The following PDCD1LG2 variants were observed in gnomAD, a reference collection of about 807,000 sequenced individuals.
PDCD1LG2 encodes the protein B7 dendritic cell molecule.
Under a neutral mutation model 28.2 loss-of-function variants are expected in PDCD1LG2, and 32 were observed. That is an observed-to-expected ratio of 1.13 (90% CI 0.86 to 1.52). The LOEUF (loss-of-function observed/expected upper bound fraction) is 1.52, where lower values mean the gene tolerates loss of function less well. Among genes scored for constraint, PDCD1LG2 ranks in the 40% most tolerant of loss-of-function variants. PDCD1LG2 has a pLI of 0.00. For synonymous variants in PDCD1LG2, 116 were observed against 120.2 expected (o/e 0.97, Z 0.23); for missense variants, 385 against 323.8 (o/e 1.19, Z -1.45).
chr9:5,516,453 G>A (rs897180070), intron 1 of PDCD1LG2, among the ~76,000 whole-genome samples: 10 of 152,220 alleles, frequency 6.6e-5, no homozygotes, highest in African/African-American at 2.4e-4. Flanking sequence ...TCTTACCCCA[G>A]GCTGTGGACT....
chr9:5,564,012 G>A (rs1423614459), intron 6 of PDCD1LG2, among the ~76,000 whole-genome samples: 3 of 152,146 alleles, frequency 2.0e-5, no homozygotes, highest in Non-Finnish European at 4.4e-5. Flanking sequence ...CTAAGCAACT[G>A]AGCACCATAG....
intron 5 of PDCD1LG2, among the ~76,000 whole-genome samples, chr9:5,560,773 T>G (rs1285539979): frequency 6.6e-6 from 1 of 152,190 alleles, no homozygotes; most frequent in Non-Finnish European, 1.5e-5. Context: ...TCTTAGCTCC[T>G]GAACAGATTT....
At position 5,549,620 on chromosome 9, in the gene PDCD1LG2, A is replaced by C. The variant is rs1816286379; in HGVS notation, c.631+16A>C. Reference sequence around the variant, plus strand: ...GACCTTCAAAGTAAGAGCTGCCCCCACTTCCTAGGTCTATCAGTTAGGGTT... The same window carrying C: ...GACCTTCAAAGTAAGAGCTGCCCCCCCTTCCTAGGTCTATCAGTTAGGGTT... On this transcript the variant is annotated intron_variant, in intron 4 of 6. Coordinates refer to ENST00000397747, the MANE Select transcript of PDCD1LG2 (RefSeq NM_025239.4). 6.2e-7 allele frequency: 1 copy of C among 1,613,550 alleles called. No individual in the cohort carries two copies.
intron 5 of PDCD1LG2, among the ~76,000 whole-genome samples, chr9:5,562,843 A>C (rs945288671): frequency 2.0e-5 from 3 of 152,222 alleles, no homozygotes; most frequent in Non-Finnish European, 4.4e-5. Flanking sequence ...GTCAAGACTA[A>C]AGCAGAAAAG....
At chr9:5,538,979 C>T (rs1487854835) in intron 3 of PDCD1LG2, among the ~76,000 whole-genome samples, 6 of 152,006 alleles carry the variant, frequency 3.9e-5, no homozygotes, top group Non-Finnish European at 7.4e-5. Flanking sequence ...GTGTTGAGAA[C>T]ATTCAATGTA....
At chr9:5,541,972 T>C (rs1820695961) in intron 3 of PDCD1LG2, among the ~76,000 whole-genome samples, 1 of 152,048 alleles carries the variant, frequency 6.6e-6, no homozygotes, top group African/African-American at 2.4e-5. Flanking sequence ...ATAATACTAG[T>C]ATAAAAATAG....
chr9:5,520,923 A>G (rs1364237524), intron 1 of PDCD1LG2, among the ~76,000 whole-genome samples: 1 of 152,252 alleles, frequency 6.6e-6, no homozygotes, highest in Non-Finnish European at 1.5e-5. Flanking sequence ...GAGTTTTCAT[A>G]GGAACTTTAT....
intron 1 of PDCD1LG2, among the ~76,000 whole-genome samples, chr9:5,515,361 A>T (rs890887680): frequency 2.0e-5 from 3 of 152,222 alleles, no homozygotes; most frequent in Admixed American, 1.3e-4. Flanking sequence ...CACAATGCTC[A>T]TTCAGCTACA....
At chr9:5,557,564 G>T (rs941272228) in intron 4 of PDCD1LG2, 54 bp from the exon 5 acceptor site, 5 of 1,600,322 alleles carry the variant, frequency 3.1e-6, no homozygotes, top group Admixed American at 1.7e-5. Flanking sequence ...CCAGCCTGTT[G>T]GTCTACCTCT....
chr9:5,526,344 G>A (rs184539109), intron 2 of PDCD1LG2, among the ~76,000 whole-genome samples: 5 of 152,264 alleles, frequency 3.3e-5, no homozygotes, highest in Admixed American at 3.3e-4. Context: ...CAGCTCCCCA[G>A]AAATGCTTCA....
rs370041243 is a variant in PDCD1LG2 at position 5,515,662 on chromosome 9, C to T, written c.-15+4859C>T. Among the ~76,000 whole-genome samples, 20 of 152,186 alleles carry T rather than the reference C, an allele frequency of 1.3e-4. No individual in the cohort carries two copies. The East Asian group carries it at 2.1e-3, about 16-fold the overall frequency. On this transcript the variant is annotated intron_variant, in intron 1 of 6. Coordinates refer to ENST00000397747, the MANE Select transcript of PDCD1LG2 (RefSeq NM_025239.4). ...GACACAAGCCAGGCACAGTGGCTCA[C>T]GCCTGTAATCCCAGCACTTTGGGAG...
intron 1 of PDCD1LG2, among the ~76,000 whole-genome samples, chr9:5,513,445 T>C (rs1378228868): frequency 1.3e-5 from 2 of 152,268 alleles, no homozygotes; most frequent in Non-Finnish European, 2.9e-5. Flanking sequence ...TTTTCATGTG[T>C]GAGAGTTTTA....
chr9:5,527,800 T>G (rs565885276), intron 2 of PDCD1LG2, among the ~76,000 whole-genome samples: 37 of 152,198 alleles, frequency 2.4e-4, no homozygotes, highest in African/African-American at 8.9e-4. Flanking sequence ...TAATTGTTCC[T>G]CATCCTTCCC....
intron 3 of PDCD1LG2, among the ~76,000 whole-genome samples, chr9:5,535,692 A>G (rs1820567158): frequency 1.3e-5 from 2 of 152,188 alleles, no homozygotes; most frequent in East Asian, 1.9e-4. Context: ...ACACTGCTCA[A>G]ATGCAAGCCC....
intron 3 of PDCD1LG2, among the ~76,000 whole-genome samples, chr9:5,543,371 C>G (rs1000633029): frequency 6.6e-6 from 1 of 152,008 alleles, no homozygotes; most frequent in African/African-American, 2.4e-5. Context: ...AACCCCGTCT[C>G]TACTAAAAAT....
chr9:5,560,380 T>C (rs1353892046), intron 5 of PDCD1LG2, among the ~76,000 whole-genome samples: 1 of 152,228 alleles, frequency 6.6e-6, no homozygotes, highest in Non-Finnish European at 1.5e-5. Flanking sequence ...TTTGAGCAGT[T>C]GCTGTCTACT....
At position 5,534,581 on chromosome 9, in the gene PDCD1LG2, C is replaced by T. The variant is rs533126216; in HGVS notation, c.56-164C>T. ...GCGGGTCAAGAATCCCACTCTTGCC[C>T]AGATGGATGGGGCAAAGGAGAAAAA... On this transcript the variant is annotated intron_variant, in intron 2 of 6. Transcript: ENST00000397747. Among the ~76,000 whole-genome samples, 4 of 152,238 alleles carry T rather than the reference C, an allele frequency of 2.6e-5. No homozygotes were observed. The South Asian group carries it at 8.3e-4, about 32-fold the overall frequency.
intron 1 of PDCD1LG2, among the ~76,000 whole-genome samples, chr9:5,520,571 G>A (rs1206326145): frequency 6.6e-6 from 1 of 152,106 alleles, no homozygotes; most frequent in Non-Finnish European, 1.5e-5. Context: ...GTAAATCTTT[G>A]TGACCTTGAC....
At chr9:5,538,654 C>G (rs1820630724) in intron 3 of PDCD1LG2, among the ~76,000 whole-genome samples, 1 of 151,176 alleles carries the variant, frequency 6.6e-6, no homozygotes, top group Non-Finnish European at 1.5e-5. Context: ...CTCCACTGCA[C>G]TCCAGCCTGG....
Sources: gnomAD v4.1 joint callset for allele counts (sites outside exome capture counted in the v4.1 genomes callset) on GRCh38, gnomAD v4.1.1 for gene constraint, MANE v1.5 for transcripts, NCBI Gene and HGNC (gene_info 2026-07-23, HGNC 2026-07-21) for gene names.